Variants in RIPOR3 observed in about 807,000 individuals in gnomAD.
RIPOR3 encodes the protein family with sequence similarity 65 member C.
RIPOR3 carries 95 observed loss-of-function variants against 114.3 expected under a neutral mutation model. That is an observed-to-expected ratio of 0.83 (90% confidence interval 0.70 to 0.99). The LOEUF (loss-of-function observed/expected upper bound fraction) is 0.99. RIPOR3 is among the 50% of genes least tolerant of loss of function. The pLI is 0.00. For missense variants in RIPOR3, 1,252 were observed against 1,266.9 expected (o/e 0.99, Z 0.18); for synonymous variants, 575 against 543.8 (o/e 1.06, Z -0.80).
intron 1 of RIPOR3, among the ~76,000 whole-genome samples, chr20:50,637,176 T>G (rs901597996): frequency 2.0e-5 from 3 of 152,120 alleles, no homozygotes; most frequent in African/African-American, 7.2e-5. Flanking sequence ...ATTTTACCGA[T>G]GTCAAGACTA....
intron 2 of RIPOR3, among the ~76,000 whole-genome samples, chr20:50,624,512 C>T (rs2084546070): frequency 6.6e-6 from 1 of 152,214 alleles, no homozygotes; most frequent in African/African-American, 2.4e-5. Flanking sequence ...GAGCCTAGTG[C>T]TCCTTGTGTG....
chr20:50,628,094 C>T (rs2084686756), intron 2 of RIPOR3, among the ~76,000 whole-genome samples: 3 of 152,224 alleles, frequency 2.0e-5, no homozygotes, highest in Admixed American at 6.5e-5. Flanking sequence ...CAGGAAGAGG[C>T]AGCTCAGAAA....
chr20:50,633,743 A>G (rs1437128440), intron 1 of RIPOR3, among the ~76,000 whole-genome samples: 1 of 152,182 alleles, frequency 6.6e-6, no homozygotes, highest in Non-Finnish European at 1.5e-5. Flanking sequence ...CTCCCGATGC[A>G]AAGCTCAAAA....
chr20:50,598,623 T>C (rs1159158018), intron 13 of RIPOR3, among the ~76,000 whole-genome samples: 1 of 152,212 alleles, frequency 6.6e-6, no homozygotes, highest in Non-Finnish European at 1.5e-5. Context: ...CACACATGCA[T>C]GTAGACTGCT....
Position 50,691,358 on chromosome 20 carries a change from C to T in RIPOR3, c.-230G>A, listed in dbSNP as rs995915710. ...AGTCTTCCTTCTGGTGCAGGGAGGC[C>T]GGTGCCCTGCCGGGCTCTGATAATG... On this transcript the variant is annotated 5_prime_UTR_variant, in exon 1 of 22. Transcript: ENST00000327979. 1 of 393,620 alleles carries T rather than the reference C, an allele frequency of 2.5e-6. No homozygotes were observed. The highest frequency in any genetic ancestry group is 4.7e-6 in the Non-Finnish European group (1 of 214,550). 24.4% of individuals were successfully genotyped at this position (393,620 alleles called of 1,614,324 possible). A position where few individuals can be genotyped will look rare whatever the true frequency, so the allele number is the denominator to read the frequency against.
chr20:50,631,861 C>T (rs1244879332), intron 1 of RIPOR3, among the ~76,000 whole-genome samples: 2 of 152,214 alleles, frequency 1.3e-5, no homozygotes, highest in African/African-American at 4.8e-5. Flanking sequence ...CATATCTAAC[C>T]TAAATCTCTG....
rs2083642545 is a variant in RIPOR3, at chr20:50,604,765, A to G, written c.966T>C (p.Asp322=). Residue 322 remains aspartate (D), a synonymous_variant, in exon 12 of 22, where the codon GAT becomes GAC. Transcript: ENST00000327979. ...TGGGTGACACCAGGAAGCTCTCAGT[A>G]TCAAACGGGCTGGAGGAGAGAACAG... ...LQLEVQWNPF[D]TESFLVSPSP... is the part of the protein sequence containing the mutation. The G allele has an allele frequency of 1.2e-6, 2 of 1,608,376 alleles. No individual in the cohort carries two copies.
At chr20:50,676,686 A>G (rs574734265) in intron 1 of RIPOR3, among the ~76,000 whole-genome samples, 32 of 152,036 alleles carry the variant, frequency 2.1e-4, no homozygotes, top group African/African-American at 6.3e-4. Context: ...GTGAGGTCAC[A>G]TCAGGCTTTT....
At position 50,686,832 on chromosome 20, in the gene RIPOR3, G is replaced by A. The variant is rs976159194; in HGVS notation, c.3+4294C>T. 5.3e-5 allele frequency among the ~76,000 whole-genome samples: 8 copies of A among 152,022 alleles called. No individual in the cohort carries two copies. The South Asian group carries it at 1.7e-3, about 32-fold the overall frequency. The stretch of plus-strand genomic sequence containing the variant: ...CTGCTGTGGGCATGGTTCTCCTCTT[G>A]TATTGCAGTTGCGTTTCTCTTAGCT... On this transcript the variant is annotated intron_variant, in intron 1 of 21. Transcript: ENST00000327979.
intron 10 of RIPOR3, 26 bp from the exon 11 acceptor site, chr20:50,608,560 G>A (rs776784145): frequency 1.2e-6 from 2 of 1,613,680 alleles, no homozygotes; most frequent in Admixed American, 1.7e-5. Flanking sequence ...GGAGGGTGGT[G>A]TCTGAGCCGA....
chr20:50,660,805 A>G (rs2085967755), intron 1 of RIPOR3, among the ~76,000 whole-genome samples: 1 of 126,904 alleles, frequency 7.9e-6, no homozygotes, highest in South Asian at 2.5e-4. Context: ...CCCAGGCTAG[A>G]GTGTAGTGGC....
intron 1 of RIPOR3, among the ~76,000 whole-genome samples, chr20:50,667,486 G>A (rs539822122): frequency 6.6e-6 from 1 of 152,130 alleles, no homozygotes; most frequent in South Asian, 2.1e-4. Flanking sequence ...TAGAGACGGG[G>A]TTTCACCATG....
intron 1 of RIPOR3, among the ~76,000 whole-genome samples, chr20:50,643,761 A>G (rs2085290884): frequency 7.1e-6 from 1 of 140,130 alleles, no homozygotes; most frequent in Admixed American, 7.6e-5. Flanking sequence ...GCTGGAGTGC[A>G]GTGGTGCAAT....
chr20:50,639,876 T>G (rs1454926019), intron 1 of RIPOR3, among the ~76,000 whole-genome samples: 3 of 152,010 alleles, frequency 2.0e-5, no homozygotes, highest in Non-Finnish European at 4.4e-5. Context: ...ATGTAATGCT[T>G]TGCTGTGGAG....
intron 1 of RIPOR3, among the ~76,000 whole-genome samples, chr20:50,637,739 G>A (rs896495019): frequency 2.6e-5 from 4 of 152,060 alleles, no homozygotes; most frequent in African/African-American, 7.2e-5. Context: ...GCCAGGCGTA[G>A]TGGCGGGCTC....
chr20:50,588,987 C>T (rs573105860), intron 20 of RIPOR3, among the ~76,000 whole-genome samples: 6 of 146,054 alleles, frequency 4.1e-5, no homozygotes, highest in Non-Finnish European at 8.9e-5. Flanking sequence ...GAGGCTGAGG[C>T]AGGAGAATGG....
In RIPOR3 at chr20:50,620,148, G is replaced by A. The variant is rs765428824; in HGVS notation, c.123-16C>T. 4 of 1,611,228 alleles carry A rather than the reference G, an allele frequency of 2.5e-6. No homozygotes were observed. The highest frequency in any genetic ancestry group is 3.4e-6 in the Non-Finnish European group (4 of 1,178,678). ...GATGGACTTTCTGTGAGAAGGGTTGGAGGGCAAGAGAAGTCAGAGAAGGGC... is the reference window on the plus strand; with the variant it reads ...GATGGACTTTCTGTGAGAAGGGTTGAAGGGCAAGAGAAGTCAGAGAAGGGC... On this transcript the variant is annotated splice_polypyrimidine_tract_variant and intron_variant, in intron 2 of 21. Coordinates refer to ENST00000327979, the MANE Select transcript of RIPOR3 (RefSeq NM_001290268.2).
intron 1 of RIPOR3, among the ~76,000 whole-genome samples, chr20:50,672,762 G>A (rs1488120819): frequency 1.3e-5 from 2 of 152,202 alleles, no homozygotes; most frequent in Non-Finnish European, 2.9e-5. Flanking sequence ...TAACAGACAT[G>A]CATCAGACTT....
At chr20:50,659,288 C>G (rs187777030) in intron 1 of RIPOR3, among the ~76,000 whole-genome samples, 2 of 152,052 alleles carry the variant, frequency 1.3e-5, no homozygotes, top group Non-Finnish European at 2.9e-5. Context: ...TTTCCTGAAC[C>G]GAAGTCTGAA....
Sources: gnomAD v4.1 joint callset for allele counts (sites outside exome capture counted in the v4.1 genomes callset) on GRCh38, gnomAD v4.1.1 for gene constraint, MANE v1.5 for transcripts, NCBI Gene and HGNC (gene_info 2026-07-23, HGNC 2026-07-21) for gene names.